Variants in AKT3 observed in about 807,000 individuals in gnomAD.
The protein encoded by AKT3 is RAC-gamma serine/threonine-protein kinase.
AKT3 carries 15 observed loss-of-function variants against 65.3 expected under a neutral mutation model. That is an observed-to-expected ratio of 0.23 (90% confidence interval 0.15 to 0.35). The LOEUF is 0.35. Ranked by LOEUF, AKT3 falls within the 10% of genes least tolerant of loss-of-function variation. The pLI is 1.00. For synonymous variants in AKT3, 206 were observed against 183.8 expected (o/e 1.12, Z -0.98); for missense variants, 243 against 576.5 (o/e 0.42, Z 5.92).
chr1:243,775,972 T>C (rs1157844954), intron 2 of AKT3, among the ~76,000 whole-genome samples: 2 of 152,196 alleles, frequency 1.3e-5, no homozygotes, highest in Non-Finnish European at 2.9e-5. Flanking sequence ...CACTAAAGCA[T>C]CTCTTTTCTT....
At chr1:243,648,782 T>C (rs1278891809) in intron 4 of AKT3, among the ~76,000 whole-genome samples, 1 of 152,128 alleles carries the variant, frequency 6.6e-6, no homozygotes, top group Non-Finnish European at 1.5e-5. Context: ...TTTTCTTGGA[T>C]GTCAGTAATT....
intron 2 of AKT3, among the ~76,000 whole-genome samples, chr1:243,809,542 A>G (rs553004603): frequency 6.6e-6 from 1 of 152,240 alleles, no homozygotes; most frequent in Non-Finnish European, 1.5e-5. Context: ...GCAAGACCTT[A>G]GAGACCTACA....
At chr1:243,526,257 G>A (rs1297058076) in intron 12 of AKT3, among the ~76,000 whole-genome samples, 1 of 152,156 alleles carries the variant, frequency 6.6e-6, no homozygotes, top group Non-Finnish European at 1.5e-5. Context: ...AGGATAGACT[G>A]AAACCCGTGT....
intron 5 of AKT3, among the ~76,000 whole-genome samples, chr1:243,642,393 T>A (rs1158891561): frequency 6.6e-6 from 1 of 152,224 alleles, no homozygotes; most frequent in Non-Finnish European, 1.5e-5. Flanking sequence ...CACTGCAAGC[T>A]CTGCCTCCTG....
intron 2 of AKT3, among the ~76,000 whole-genome samples, chr1:243,797,450 G>A (rs551671917): frequency 1.6e-4 from 25 of 152,234 alleles, no homozygotes; most frequent in Admixed American, 6.5e-4. Flanking sequence ...CACATTTGGT[G>A]GCTAAATGAA....
In AKT3 at chr1:243,765,258, T is replaced by TA. The variant is rs554407473; in HGVS notation, c.47-69543dup. Among the ~76,000 whole-genome samples, 394 of 152,208 alleles carry TA rather than the reference T, an allele frequency of 2.6e-3. 1 individual carries two copies. Among genetic ancestry groups the TA allele is most frequent in the Admixed American group, 9.9e-3 (151 of 15,282 alleles). Reference sequence around the variant, plus strand: ...GTTAATTTTAAAAGCCTTTATAAGTTACCAGCAGTAAAAAGAAATAGAAGT... The same window carrying TA: ...GTTAATTTTAAAAGCCTTTATAAGTTAACCAGCAGTAAAAAGAAATAGAAGT... On this transcript the variant is annotated intron_variant, in intron 2 of 13. Transcript: ENST00000673466.
chr1:243,741,102 T>G (rs186970516), intron 2 of AKT3, among the ~76,000 whole-genome samples: 1 of 152,328 alleles, frequency 6.6e-6, no homozygotes, highest in East Asian at 1.9e-4. Context: ...TATAACTGTA[T>G]GTTCCATATA....
At chr1:243,628,668 C>A (rs1002483472) in intron 6 of AKT3, among the ~76,000 whole-genome samples, 1 of 152,150 alleles carries the variant, frequency 6.6e-6, no homozygotes, top group African/African-American at 2.4e-5. Context: ...ATTGCCACAT[C>A]CTACTGTTCA....
intron 2 of AKT3, chr1:243,814,605 T>G (rs975995545): frequency 6.6e-6 from 1 of 152,148 alleles, no homozygotes; most frequent in Non-Finnish European, 1.5e-5. Flanking sequence ...GAATCACAAA[T>G]CTTATTTTTA....
chr1:243,751,625 G>A lies in AKT3; in HGVS notation c.47-55909C>T, dbSNP rs115933853. The stretch of plus-strand genomic sequence containing the variant: ...ATTGTTGTGGGGAGAGGGGCACTTT[G>A]ATCTGGAAGATACACAGGGACTCAG... On this transcript the variant is annotated intron_variant, in intron 2 of 13. Transcript: ENST00000673466. Among the ~76,000 whole-genome samples, 1,333 of 152,282 alleles carry A rather than the reference G, an allele frequency of 8.8e-3. 15 individuals are homozygous for A. Among genetic ancestry groups the A allele is most frequent in the African/African-American group, 0.03 (1,263 of 41,544 alleles).
At chr1:243,802,637 C>T (rs955897776) in intron 2 of AKT3, among the ~76,000 whole-genome samples, 2 of 152,134 alleles carry the variant, frequency 1.3e-5, no homozygotes, top group Admixed American at 1.3e-4. Context: ...TTTTGTGTAA[C>T]CCAAATTACT....
intron 10 of AKT3, among the ~76,000 whole-genome samples, chr1:243,555,623 T>A (rs1673357146): frequency 6.6e-6 from 1 of 152,176 alleles, no homozygotes. Context: ...TCTGATCATT[T>A]TTTTCTAGCT....
intron 2 of AKT3, among the ~76,000 whole-genome samples, chr1:243,760,966 G>C (rs1407409211): frequency 3.3e-5 from 5 of 152,190 alleles, no homozygotes; most frequent in African/African-American, 4.8e-5. Context: ...TTATGTAATT[G>C]ATCAGCTGAT....
At chr1:243,558,436 A>G (rs1198671521) in intron 10 of AKT3, among the ~76,000 whole-genome samples, 4 of 152,072 alleles carry the variant, frequency 2.6e-5, no homozygotes, top group Non-Finnish European at 5.9e-5. Context: ...GTAGGTTTCA[A>G]AGAAAAAATC....
chr1:243,793,750 G>A lies in AKT3; in HGVS notation c.46+49375C>T, dbSNP rs964517193. ...TCGCACCACTGCACTCTGCACTCCA[G>A]CCTCAACAACAGAGCAAAACTGTCT... On this transcript the variant is annotated intron_variant, in intron 2 of 13. Transcript: ENST00000673466. Among the ~76,000 whole-genome samples, 15 of 144,612 alleles carry A rather than the reference G, an allele frequency of 1.0e-4. No homozygotes were observed. In the Admixed American group the frequency reaches 1.1e-3, roughly 11 times the overall value. The allele number at this position is 144,612 out of a possible 152,430, so 94.9% of individuals were successfully genotyped here. A position where few individuals can be genotyped will look rare whatever the true frequency, so the allele number is the denominator to read the frequency against.
intron 9 of AKT3, among the ~76,000 whole-genome samples, chr1:243,572,316 GT>G (rs1674621119): frequency 6.6e-6 from 1 of 152,078 alleles, no homozygotes; most frequent in Non-Finnish European, 1.5e-5. Flanking sequence ...GAGTTGAGTA[GT>G]TTACAAAAGA....
At chr1:243,511,617 T>C (rs1346649598) in intron 13 of AKT3, among the ~76,000 whole-genome samples, 1 of 152,198 alleles carries the variant, frequency 6.6e-6, no homozygotes, top group African/African-American at 2.4e-5. Flanking sequence ...AAACGCAATC[T>C]TATCCACATT....
intron 4 of AKT3, among the ~76,000 whole-genome samples, chr1:243,655,769 T>C (rs924555800): frequency 6.6e-6 from 1 of 152,148 alleles, no homozygotes; most frequent in African/African-American, 2.4e-5. Context: ...TGGTTTACCA[T>C]GTCTCCTCTT....
At chr1:243,782,864 A>T (rs1446342366) in intron 2 of AKT3, among the ~76,000 whole-genome samples, 1 of 152,220 alleles carries the variant, frequency 6.6e-6, no homozygotes, top group Non-Finnish European at 1.5e-5. Context: ...TTATAAGGAA[A>T]TATATGAGAC....
Sources: allele counts gnomAD v4.1 joint callset (sites outside exome capture counted in the v4.1 genomes callset), GRCh38; gene constraint gnomAD v4.1.1; transcripts MANE v1.5; gene names NCBI Gene and HGNC (gene_info 2026-07-23, HGNC 2026-07-21).